Variants in KIF1A observed in about 807,000 individuals in gnomAD.
KIF1A encodes kinesin-like protein KIF1A.
KIF1A carries 46 observed loss-of-function variants against 227.3 expected under a neutral mutation model. That is an observed-to-expected ratio of 0.20 (90% confidence interval 0.16 to 0.26). The LOEUF (loss-of-function observed/expected upper bound fraction) is 0.26. KIF1A is among the 10% of genes least tolerant of loss of function. The pLI, the probability that KIF1A is intolerant of heterozygous loss-of-function variation, is 1.00. For missense variants in KIF1A, 1,683 were observed against 2,485.9 expected (o/e 0.68, Z 6.87); for synonymous variants, 1,022 against 1,012.8 (o/e 1.01, Z -0.17).
chr2:240,760,849 A>C lies in KIF1A; in HGVS notation c.2266-6T>G, dbSNP rs765538257. 1.2e-5 allele frequency: 20 copies of C among 1,604,534 alleles called. No homozygotes were observed. Among genetic ancestry groups the C allele is most frequent in the Non-Finnish European group, 1.5e-5 (18 of 1,176,654 alleles). On this transcript the variant is annotated splice_polypyrimidine_tract_variant and splice_region_variant and intron_variant, in intron 24 of 48. Coordinates refer to ENST00000498729, the MANE Select transcript of KIF1A (RefSeq NM_001244008.2). ...AGGACAAACTGGAATTGTACCTGTG[A>C]CAGGGGAAGATGACCACTCGTCAGC...
At chr2:240,721,562 G>A (rs1360273638) in intron 44 of KIF1A, among the ~76,000 whole-genome samples, 2 of 152,054 alleles carry the variant, frequency 1.3e-5, no homozygotes, top group African/African-American at 4.8e-5. Flanking sequence ...GCCTGCAAGT[G>A]CATGGGTGCA....
At chr2:240,796,914 A>ACGCCCCCCTCCCCC (rs2056464318) in intron 2 of KIF1A, among the ~76,000 whole-genome samples, 2 of 150,204 alleles carry the variant, frequency 1.3e-5, no homozygotes, top group African/African-American at 2.5e-5. Context: ...CCCCCTCCCC[A>ACGCCCCCCTCCCCC]CCTGGTAGAT....
At chr2:240,722,432 G>A (rs748651302) in intron 43 of KIF1A, 24 bp downstream of exon 43, 7 of 1,543,680 alleles carry the variant, frequency 4.5e-6, no homozygotes, top group Admixed American at 3.9e-5. Context: ...GGCTACGGCT[G>A]TACTGCCCAC....
intron 34 of KIF1A, 74 bp downstream of exon 34, chr2:240,742,855 G>C (rs778444685): frequency 1.1e-5 from 15 of 1,345,866 alleles, no homozygotes; most frequent in Non-Finnish European, 1.4e-5. Context: ...ATTCACTGCG[G>C]GGGCCCAGCC....
At chr2:240,784,602 G>C (rs2054476145) in intron 7 of KIF1A, among the ~76,000 whole-genome samples, 1 of 152,190 alleles carries the variant, frequency 6.6e-6, no homozygotes, top group Admixed American at 6.5e-5. Flanking sequence ...GCCTGAGCGA[G>C]CCCCCAACCA....
At chr2:240,747,956 G>C (rs984885341) in intron 28 of KIF1A, among the ~76,000 whole-genome samples, 1 of 152,238 alleles carries the variant, frequency 6.6e-6, no homozygotes, top group Non-Finnish European at 1.5e-5. Context: ...CCCGGGTCAC[G>C]GGCAGGGCTG....
intron 38 of KIF1A, among the ~76,000 whole-genome samples, chr2:240,735,536 G>A (rs1227778900): frequency 1.3e-5 from 2 of 152,156 alleles, no homozygotes; most frequent in Non-Finnish European, 2.9e-5. Flanking sequence ...GCTGAGGGGG[G>A]TCAGAGGTCA....
In KIF1A at chr2:240,775,864, G is replaced by A. The variant is rs201563769; in HGVS notation, c.945C>T (p.Leu315=). ...PYRDSVLTWL[L]RENLGGNSRT... ...ACAAGTTCTCACCCAGGTTTTCCCGGAGGAGCCAGGTCAACACGGAATCTC... is the reference window on the plus strand; with the variant it reads ...ACAAGTTCTCACCCAGGTTTTCCCGAAGGAGCCAGGTCAACACGGAATCTC... Residue 315 remains leucine (L), a synonymous_variant, in exon 11 of 49, where the codon CTC becomes CTT. Coordinates refer to ENST00000498729, the MANE Select transcript of KIF1A (RefSeq NM_001244008.2). This position sits in a 1 kb window ranked among gnomAD's most constrained non-coding sequence, Gnocchi z 5.5. 8.1e-6 allele frequency: 13 copies of A among 1,609,916 alleles called. No individual in the cohort carries two copies. Among genetic ancestry groups the A allele is most frequent in the Non-Finnish European group, 1.7e-6 (2 of 1,176,108 alleles).
At chr2:240,720,294 C>T (rs6746545) in intron 45 of KIF1A, 132,714 of 176,768 alleles carry the variant, frequency 0.75, 50,359 homozygotes, top group African/African-American at 0.85. Flanking sequence ...CACGAGGTTC[C>T]AAGGAGCCAC....
chr2:240,741,455 T>C, intron 34 of KIF1A, 78 bp from the exon 35 acceptor site: 1 of 1,157,418 alleles, frequency 8.6e-7, no homozygotes, highest in Non-Finnish European at 1.2e-6. Flanking sequence ...AAGGAGGAGA[T>C]GCCGGGGCCA....
rs543211826 is a variant in KIF1A at position 240,737,113 on chromosome 2, C to T, written c.3957G>A (p.Leu1319=). 6.2e-7 allele frequency: 1 copy of T among 1,613,734 alleles called. No homozygotes were observed. Among genetic ancestry groups the T allele is most frequent in the South Asian group, 1.1e-5 (1 of 91,072 alleles). Reference sequence around the variant, plus strand: ...ATCCGGAAGAGAGGATGTTGAGAGACAAGATGTTGGGGTCGATCAGGGACT... The same window carrying T: ...ATCCGGAAGAGAGGATGTTGAGAGATAAGATGTTGGGGTCGATCAGGGACT... ...TDESLIDPNI[L]SLNILSSGYI... Residue 1319 remains leucine, a synonymous_variant, in exon 38 of 49, where the codon TTG becomes TTA. Coordinates refer to ENST00000498729, the MANE Select transcript of KIF1A (RefSeq NM_001244008.2).
chr2:240,806,816 C>T (rs907269448), intron 1 of KIF1A, among the ~76,000 whole-genome samples: 2 of 151,964 alleles, frequency 1.3e-5, no homozygotes, highest in Admixed American at 6.6e-5. Context: ...AAAATCTACC[C>T]ACAAAAAAAG....
rs1381067731 is a variant in KIF1A at position 240,736,949 on chromosome 2, G to A, written c.4007+114C>T. 2.5e-5 allele frequency: 21 copies of A among 838,862 alleles called. No homozygotes were observed. The highest frequency in any genetic ancestry group is 5.0e-5 in the African/African-American group (3 of 60,288). The allele number at this position is 838,862 out of a possible 1,614,324, so 52.0% of individuals were successfully genotyped here. A position where few individuals can be genotyped will look rare whatever the true frequency, so the allele number is the denominator to read the frequency against. On this transcript the variant is annotated intron_variant, in intron 38 of 48. Coordinates refer to ENST00000498729, the MANE Select transcript of KIF1A (RefSeq NM_001244008.2). The surrounding 1 kb of genome is among the most constrained non-coding windows in gnomAD (Gnocchi z 4.7). ...CCTGCAGGTGCCAGGAGGGAGGGCC[G>A]GGAGAGCGTTGAGCGGGTCACCTTG...
At position 240,723,010 on chromosome 2, in the gene KIF1A, C is replaced by T. The variant is rs1005488412; in HGVS notation, c.4465-354G>A. Among the ~76,000 whole-genome samples the T allele has an allele frequency of 9.2e-5, 14 of 152,326 alleles. No individual in the cohort carries two copies. In the East Asian group the frequency reaches 1.5e-3, roughly 17 times the overall value. Reference sequence around the variant, plus strand: ...AGGGGTGGGCAGAGCCCTGGCCTCACGCATCTCACACGTCACGCGTCACGT... The same window carrying T: ...AGGGGTGGGCAGAGCCCTGGCCTCATGCATCTCACACGTCACGCGTCACGT... On this transcript the variant is annotated intron_variant, in intron 42 of 48. Transcript: ENST00000498729.
intron 1 of KIF1A, among the ~76,000 whole-genome samples, chr2:240,816,636 A>G (rs1222974195): frequency 6.6e-6 from 1 of 152,168 alleles, no homozygotes; most frequent in Non-Finnish European, 1.5e-5. Context: ...CCAGACCACA[A>G]GGCCTGGGAT....
intron 19 of KIF1A, 110 bp from the exon 20 acceptor site, chr2:240,765,903 CTT>C (rs2051111558): frequency 2.7e-6 from 2 of 752,590 alleles, no homozygotes; most frequent in African/African-American, 1.7e-5. Flanking sequence ...TCTCGCCTCT[CTT>C]TTCCCTGCTA....
Position 240,778,184 on chromosome 2 carries a change from G to A in KIF1A, c.883-2258C>T, listed in dbSNP as rs922786115. 6.6e-6 allele frequency among the ~76,000 whole-genome samples: 1 copy of A among 152,012 alleles called. No individual in the cohort carries two copies. The highest frequency in any genetic ancestry group is 6.5e-5 in the Admixed American group (1 of 15,268). On this transcript the variant is annotated intron_variant, in intron 10 of 48. Coordinates refer to ENST00000498729, the MANE Select transcript of KIF1A (RefSeq NM_001244008.2). This position sits in a 1 kb window ranked among gnomAD's most constrained non-coding sequence, Gnocchi z 7.2. ...ACTCGAATGCGGACCCCACCCACGG[G>A]ATGGCTGCCGGTCACACCATTCATC...
chr2:240,820,977 C>T (rs1312882778), upstream of KIF1A, among the ~76,000 whole-genome samples: 1 of 152,180 alleles, frequency 6.6e-6, no homozygotes, highest in Admixed American at 6.5e-5. This position sits in a 1 kb window ranked among gnomAD's most constrained non-coding sequence, Gnocchi z 6.2. Context: ...GGGGCCACCC[C>T]GGCAAACCCC....
At chr2:240,782,387 C>T (rs1392413342) in intron 10 of KIF1A, among the ~76,000 whole-genome samples, 1 of 152,150 alleles carries the variant, frequency 6.6e-6, no homozygotes, top group Non-Finnish European at 1.5e-5. Flanking sequence ...TGAGGCCGCC[C>T]CGGACGCCCT....
Sources: gnomAD v4.1 joint callset for allele counts (sites outside exome capture counted in the v4.1 genomes callset) on GRCh38, gnomAD v4.1.1 for gene constraint, Gnocchi (gnomAD v3.1) non-coding constraint, MANE v1.5 for transcripts, NCBI Gene and HGNC (gene_info 2026-07-23, HGNC 2026-07-21) for gene names.